The following EXPH5 variants were observed in gnomAD, a reference collection of about 807,000 sequenced individuals.
The protein encoded by EXPH5 is exophilin 5, also known as exophilin-5.
In EXPH5, 42 loss-of-function variants were observed where a neutral mutation model predicts 41.1. The ratio of observed to expected loss-of-function variants is 1.02; its 90% CI spans 0.80 to 1.32. EXPH5 has a LOEUF of 1.32. Among genes scored for constraint, EXPH5 ranks in the 40% most tolerant of loss-of-function variants. The pLI, the probability that EXPH5 is intolerant of heterozygous loss-of-function variation, is 0.00. For synonymous variants in EXPH5, 798 were observed against 833.5 expected, an observed-to-expected ratio of 0.96 and a Z score of 0.73; for missense variants, 2,298 against 2,314.5, an observed-to-expected ratio of 0.99 and a Z score of 0.15.
chr11:108,562,857 G>A (rs2094019096), intron 1 of EXPH5, among the ~76,000 whole-genome samples: 1 of 152,132 alleles, frequency 6.6e-6, no homozygotes, highest in Non-Finnish European at 1.5e-5. Flanking sequence ...AACTCCCACT[G>A]TCAGAGATAC....
intron 1 of EXPH5, among the ~76,000 whole-genome samples, chr11:108,576,279 G>A (rs2094079448): frequency 6.6e-6 from 1 of 152,170 alleles, no homozygotes; most frequent in African/African-American, 2.4e-5. Context: ...ATGTTATAAG[G>A]TGGATGAACC....
In EXPH5 at chr11:108,555,634, C is replaced by A. The variant is rs942496396; in HGVS notation, c.120-13822G>T. Among the ~76,000 whole-genome samples the A allele has an allele frequency of 2.6e-5, 4 of 152,218 alleles. No individual in the cohort carries two copies. The East Asian group carries it at 5.8e-4, about 22-fold the overall frequency. ...ATTGTATTCTGAATTGTAATCCCCA[C>A]GTGTTGGGGGTGGGACCTCGTGGGA... On this transcript the variant is annotated intron_variant, in intron 1 of 5. Coordinates refer to ENST00000265843, the MANE Select transcript of EXPH5 (RefSeq NM_015065.3).
At chr11:108,526,947 G>A (rs901275806) in intron 4 of EXPH5, among the ~76,000 whole-genome samples, 1 of 152,154 alleles carries the variant, frequency 6.6e-6, no homozygotes, top group Admixed American at 6.5e-5. Flanking sequence ...TTTAGTGCTG[G>A]TGTCATGGTT....
chr11:108,522,838 T>G (rs4753844), intron 4 of EXPH5, among the ~76,000 whole-genome samples: 46,596 of 151,862 alleles, frequency 0.31, 9,879 homozygotes, highest in African/African-American at 0.61. Flanking sequence ...AGGATAAGGA[T>G]GTTCAAACAC....
At chr11:108,528,076 C>A in intron 4 of EXPH5, 60 bp downstream of exon 4, 1 of 1,097,772 alleles carries the variant, frequency 9.1e-7, no homozygotes, top group East Asian at 2.4e-5. Flanking sequence ...TAGGTAGCCA[C>A]CCTGGGATTA....
intron 4 of EXPH5, among the ~76,000 whole-genome samples, chr11:108,525,990 C>T (rs1470746306): frequency 6.7e-6 from 1 of 149,776 alleles, no homozygotes; most frequent in African/African-American, 2.5e-5. Flanking sequence ...TCGTAGCTCA[C>T]TGCAGCCTCC....
the EXPH5 span, among the ~76,000 whole-genome samples, chr11:108,602,924 T>G: frequency 0.074 from 11,333 of 152,180 alleles, 608 homozygotes; most frequent in East Asian, 0.28. Context: ...ATAATCCCCA[T>G]GTGTTGAGGG....
intron 1 of EXPH5, among the ~76,000 whole-genome samples, chr11:108,572,206 T>C (rs1481067284): frequency 6.6e-6 from 1 of 152,206 alleles, no homozygotes; most frequent in Non-Finnish European, 1.5e-5. Context: ...AAGTGCGCAG[T>C]GAAACAAAAC....
chr11:108,559,401 G>A (rs750141865), intron 1 of EXPH5, among the ~76,000 whole-genome samples: 13 of 152,210 alleles, frequency 8.5e-5, no homozygotes, highest in Non-Finnish European at 1.9e-4. Flanking sequence ...GCTCGGAGCT[G>A]CAGAATGGGG....
intron 1 of EXPH5, among the ~76,000 whole-genome samples, chr11:108,573,046 T>C (rs2094066077): frequency 7.0e-6 from 1 of 143,280 alleles, no homozygotes; most frequent in Non-Finnish European, 1.5e-5. Flanking sequence ...AGAGAACTTG[T>C]CTCAAAAAAA....
chr11:108,518,707 G>A (rs1440286113), intron 4 of EXPH5, among the ~76,000 whole-genome samples: 1 of 152,168 alleles, frequency 6.6e-6, no homozygotes, highest in Non-Finnish European at 1.5e-5. Context: ...GTAAAATAAG[G>A]CTGAGACCTA....
intron 1 of EXPH5, among the ~76,000 whole-genome samples, chr11:108,568,713 C>A (rs1031742927): frequency 3.3e-5 from 5 of 152,172 alleles, no homozygotes; most frequent in Non-Finnish European, 5.9e-5. Context: ...AGGTCAAATG[C>A]CATAAACTCA....
At chr11:108,574,142 C>T (rs1475952836) in intron 1 of EXPH5, among the ~76,000 whole-genome samples, 1 of 151,694 alleles carries the variant, frequency 6.6e-6, no homozygotes, top group Non-Finnish European at 1.5e-5. Context: ...ATCTCCTGAC[C>T]TCCTGATTCA....
chr11:108,535,183 T>C (rs578036809), intron 3 of EXPH5, among the ~76,000 whole-genome samples: 1 of 152,192 alleles, frequency 6.6e-6, no homozygotes, highest in East Asian at 1.9e-4. Flanking sequence ...TCTGGAGAAT[T>C]AAAAATAAAT....
intron 4 of EXPH5, among the ~76,000 whole-genome samples, chr11:108,523,517 T>C (rs2093778697): frequency 6.6e-6 from 1 of 152,232 alleles, no homozygotes; most frequent in South Asian, 2.1e-4. Context: ...CCTTTCATTG[T>C]ATATGGCATG....
At chr11:108,607,386 A>G in the EXPH5 span, among the ~76,000 whole-genome samples, 1 of 152,230 alleles carries the variant, frequency 6.6e-6, no homozygotes, top group Non-Finnish European at 1.5e-5. Context: ...ATTTTTACTC[A>G]TTCAATGTAA....
At chr11:108,522,737 C>T (rs2093773073) in intron 4 of EXPH5, among the ~76,000 whole-genome samples, 2 of 152,178 alleles carry the variant, frequency 1.3e-5, no homozygotes, top group Admixed American at 6.5e-5. Flanking sequence ...CTAATTAGGG[C>T]TCAGTTTTGG....
chr11:108,574,920 G>A (rs560642346), intron 1 of EXPH5, among the ~76,000 whole-genome samples: 2 of 152,134 alleles, frequency 1.3e-5, no homozygotes, highest in Non-Finnish European at 2.9e-5. Flanking sequence ...CAGCTATTTT[G>A]CGTTACAAAG....
chr11:108,546,651 A>ACTCAT (rs994739117), intron 1 of EXPH5, among the ~76,000 whole-genome samples: 1 of 152,092 alleles, frequency 6.6e-6, no homozygotes, highest in African/African-American at 2.4e-5. Context: ...CTTTAACATC[A>ACTCAT]CTCATCTTCA....
Sources: gnomAD v4.1 joint callset for allele counts (sites outside exome capture counted in the v4.1 genomes callset) on GRCh38, gnomAD v4.1.1 for gene constraint, MANE v1.5 for transcripts, NCBI Gene and HGNC (gene_info 2026-07-23, HGNC 2026-07-21) for gene names.